FAM13C: variants seen among roughly 807,000 people sequenced by gnomAD.
FAM13C encodes the protein protein FAM13C.
In FAM13C, 37 loss-of-function variants were observed where a neutral mutation model predicts 73.2. The ratio of observed to expected loss-of-function variants is 0.51; its 90% CI spans 0.39 to 0.67. FAM13C has a LOEUF of 0.67. Ranked by LOEUF, FAM13C falls within the 30% of genes least tolerant of loss-of-function variation. FAM13C has a pLI of 0.00. For missense variants in FAM13C, 589 were observed against 715.6 expected, an observed-to-expected ratio of 0.82 and a Z score of 2.02; for synonymous variants, 246 against 260.9, an observed-to-expected ratio of 0.94 and a Z score of 0.55.
At chr10:59,331,546 T>C (rs550299769) in intron 3 of FAM13C, among the ~76,000 whole-genome samples, 10 of 152,308 alleles carry the variant, frequency 6.6e-5, no homozygotes, top group East Asian at 1.9e-4. Context: ...CTTTATTCCA[T>C]TGGCAATGGC....
At chr10:59,307,053 G>A (rs754916212) in intron 4 of FAM13C, among the ~76,000 whole-genome samples, 4 of 152,092 alleles carry the variant, frequency 2.6e-5, no homozygotes, top group Non-Finnish European at 4.4e-5. Flanking sequence ...CAAGGAAAAT[G>A]GCAGGTTTCT....
At chr10:59,298,650 C>A (rs1847202684) in intron 5 of FAM13C, among the ~76,000 whole-genome samples, 1 of 152,192 alleles carries the variant, frequency 6.6e-6, no homozygotes, top group Non-Finnish European at 1.5e-5. Context: ...TCATGTGAGA[C>A]TGATAAATAA....
chr10:59,324,241 G>A, intron 3 of FAM13C, 135 bp from the exon 4 acceptor site: 1 of 660,534 alleles, frequency 1.5e-6, no homozygotes, highest in Non-Finnish European at 2.5e-6. Flanking sequence ...TGTGGGAAGG[G>A]AGCCAATTCA....
chr10:59,331,165 A>C (rs1431241410), intron 3 of FAM13C, among the ~76,000 whole-genome samples: 2 of 152,226 alleles, frequency 1.3e-5, no homozygotes, highest in Non-Finnish European at 2.9e-5. Context: ...GTGGCAAGAC[A>C]CAAACTATAA....
intron 5 of FAM13C, among the ~76,000 whole-genome samples, chr10:59,285,804 C>G (rs573774243): frequency 1.3e-5 from 2 of 152,258 alleles, no homozygotes; most frequent in African/African-American, 4.8e-5. Context: ...GAAGCAATAC[C>G]AGGGAGACAG....
intron 10 of FAM13C, among the ~76,000 whole-genome samples, chr10:59,256,569 C>T (rs924892261): frequency 4.6e-5 from 7 of 152,132 alleles, no homozygotes; most frequent in African/African-American, 1.7e-4. Flanking sequence ...CCTGAGGAAA[C>T]GTGAGGGTTC....
chr10:59,282,614 T>C (rs952823398), intron 6 of FAM13C: 1 of 152,162 alleles, frequency 6.6e-6, no homozygotes, highest in Admixed American at 6.5e-5. Flanking sequence ...CTACCATTTA[T>C]CTGGAAACCA....
At position 59,297,542 on chromosome 10, in the gene FAM13C, C is replaced by T. The variant is rs368612029; in HGVS notation, c.507+5259G>A. On this transcript the variant is annotated intron_variant, in intron 5 of 13. Coordinates refer to ENST00000618804, the MANE Select transcript of FAM13C (RefSeq NM_198215.4). ...CGACTTCCATCTGGGTTGGTTTCTT[C>T]CTCTCCATCAGTGGCCCCTGACATT... Among the ~76,000 whole-genome samples the T allele has an allele frequency of 1.2e-4, 18 of 152,232 alleles. No individual in the cohort carries two copies. The South Asian group carries it at 3.3e-3, about 28-fold the overall frequency.
chr10:59,278,833 TACACACACACAC>T (rs3078283), intron 6 of FAM13C, among the ~76,000 whole-genome samples: 2 of 147,812 alleles, frequency 1.4e-5, no homozygotes, highest in African/African-American at 4.9e-5. Flanking sequence ...CACATACACA[TACACACACACAC>T]ACACACACAC....
At chr10:59,332,783 C>G (rs866223732) in intron 3 of FAM13C, among the ~76,000 whole-genome samples, 2 of 152,120 alleles carry the variant, frequency 1.3e-5, no homozygotes, top group Non-Finnish European at 2.9e-5. Context: ...CAAGCTTAAG[C>G]CTTTCTGCTA....
At chr10:59,284,834 C>T (rs554607192) in intron 5 of FAM13C, among the ~76,000 whole-genome samples, 3 of 151,578 alleles carry the variant, frequency 2.0e-5, no homozygotes, top group Non-Finnish European at 4.4e-5. Flanking sequence ...CCATGCACAC[C>T]CACCTCACAC....
chr10:59,283,388 C>T lies in FAM13C; in HGVS notation c.567G>A (p.Val189=). ...KDPAPASTQS[V]LADGTDSADP... ...CTGCAGAATCTGTCCCATCGGCAAG[C>T]ACGCTCTGGGTTGATGCTGGCGCCG... is the stretch of plus-strand genomic sequence containing the variant. The change falls in exon 6 of 14, where the codon GTG becomes GTA. Residue 189 remains valine (V), a synonymous_variant. Transcript: ENST00000618804. The T allele has an allele frequency of 6.2e-7, 1 of 1,614,214 alleles. No homozygotes were observed. The highest frequency in any genetic ancestry group is 1.1e-5 in the South Asian group (1 of 91,088).
intron 3 of FAM13C, among the ~76,000 whole-genome samples, chr10:59,346,102 T>C (rs1854255651): frequency 6.6e-6 from 1 of 152,220 alleles, no homozygotes; most frequent in African/African-American, 2.4e-5. Flanking sequence ...TTCTTGCTTT[T>C]ACTGTTTGAA....
At chr10:59,341,465 G>A (rs284577) in intron 3 of FAM13C, among the ~76,000 whole-genome samples, 151,136 of 152,266 alleles carry the variant, frequency 0.99, 75,016 homozygotes, top group Middle Eastern at 1. Context: ...AGGCGGGCGG[G>A]TCACCTGAGG....
At chr10:59,320,578 C>T (rs79063054) in intron 4 of FAM13C, among the ~76,000 whole-genome samples, 7,533 of 152,268 alleles carry the variant, frequency 0.049, 555 homozygotes, top group African/African-American at 0.16. Context: ...AAGAACAATT[C>T]GTGAATCAGG....
intron 5 of FAM13C, among the ~76,000 whole-genome samples, chr10:59,295,591 T>C (rs778979495): frequency 6.6e-6 from 1 of 152,160 alleles, no homozygotes; most frequent in Non-Finnish European, 1.5e-5. Context: ...TGCCTAGATT[T>C]CAATTTCATG....
At chr10:59,302,260 C>G (rs1256455050) in intron 5 of FAM13C, among the ~76,000 whole-genome samples, 1 of 152,012 alleles carries the variant, frequency 6.6e-6, no homozygotes, top group Non-Finnish European at 1.5e-5. Context: ...TTACATATTC[C>G]AAAGAAAATC....
intron 3 of FAM13C, among the ~76,000 whole-genome samples, chr10:59,348,418 T>C (rs1854591636): frequency 6.6e-6 from 1 of 152,234 alleles, no homozygotes; most frequent in African/African-American, 2.4e-5. Flanking sequence ...TATGAAATAG[T>C]TCTATCAAAT....
At chr10:59,251,346 C>CT in intron 13 of FAM13C, 3 of 469,414 alleles carry the variant, frequency 6.4e-6, no homozygotes, top group Non-Finnish European at 1.1e-5. Context: ...GGAGTTTATC[C>CT]TTTATTTTTT....
Sources: allele counts gnomAD v4.1 joint callset (sites outside exome capture counted in the v4.1 genomes callset), GRCh38; gene constraint gnomAD v4.1.1; transcripts MANE v1.5; gene names NCBI Gene and HGNC (gene_info 2026-07-23, HGNC 2026-07-21).